SS18: variants seen among roughly 807,000 people sequenced by gnomAD.
SS18 encodes SS18 subunit of BAF chromatin remodeling complex, also known as protein SSXT.
In SS18, 28 loss-of-function variants were observed where a neutral mutation model predicts 72.5. The ratio of observed to expected loss-of-function variants is 0.39; its 90% CI spans 0.29 to 0.53. The LOEUF is 0.53. Among genes scored for constraint, SS18 ranks in the 20% least tolerant of loss-of-function variants. SS18 has a pLI of 0.76. For synonymous variants in SS18, 172 were observed against 164.2 expected, an observed-to-expected ratio of 1.05 and a Z score of -0.37; for missense variants, 518 against 535.3, an observed-to-expected ratio of 0.97 and a Z score of 0.32.
At chr18:26,031,879 C>T (rs2053547959) in intron 10 of SS18, among the ~76,000 whole-genome samples, 1 of 151,918 alleles carries the variant, frequency 6.6e-6, no homozygotes, top group Non-Finnish European at 1.5e-5. Context: ...CTCATGAAAG[C>T]ATCAACACAG....
chr18:26,050,395 CA>C (rs2143964887), intron 5 of SS18, among the ~76,000 whole-genome samples: 1 of 151,806 alleles, frequency 6.6e-6, no homozygotes, highest in South Asian at 2.1e-4. Context: ...GTAAAATATG[CA>C]GCTTATTTTT....
At chr18:26,037,244 T>G (rs949016650) in intron 7 of SS18, among the ~76,000 whole-genome samples, 6 of 152,094 alleles carry the variant, frequency 3.9e-5, no homozygotes, top group African/African-American at 1.4e-4. Flanking sequence ...CAAACCAATA[T>G]ATTTTGAACA....
At chr18:26,029,301 C>T (rs887835219) in intron 10 of SS18, among the ~76,000 whole-genome samples, 2 of 152,148 alleles carry the variant, frequency 1.3e-5, no homozygotes, top group African/African-American at 4.8e-5. Flanking sequence ...ATGGCTTTTA[C>T]TTAAAACACC....
At chr18:26,086,144 G>A (rs1290748331) in intron 2 of SS18, 1 of 152,070 alleles carries the variant, frequency 6.6e-6, no homozygotes, top group Non-Finnish European at 1.5e-5. Context: ...TAGGTATTAT[G>A]AGCAATCTAG....
intron 5 of SS18, among the ~76,000 whole-genome samples, chr18:26,047,642 C>G (rs369088112): frequency 6.6e-6 from 1 of 152,010 alleles, no homozygotes; most frequent in Non-Finnish European, 1.5e-5. Flanking sequence ...GAGATTGAGA[C>G]CATCCTGGCT....
At chr18:26,086,479 T>C (rs184446679) in intron 2 of SS18, among the ~76,000 whole-genome samples, 11 of 152,388 alleles carry the variant, frequency 7.2e-5, no homozygotes, top group Non-Finnish European at 1.2e-4. Context: ...ATGATACTAT[T>C]TTGGAAATAA....
At chr18:26,083,089 G>A (rs2054555550) in intron 2 of SS18, among the ~76,000 whole-genome samples, 1 of 152,084 alleles carries the variant, frequency 6.6e-6, no homozygotes, top group African/African-American at 2.4e-5. Flanking sequence ...CTGACAACTT[G>A]AGAAAGAAAG....
chr18:26,036,221 A>ATTT (rs2143862055), intron 7 of SS18, among the ~76,000 whole-genome samples: 1 of 152,302 alleles, frequency 6.6e-6, no homozygotes, highest in African/African-American at 2.4e-5. Context: ...AACAAAGAGA[A>ATTT]TAAAAGTCTT....
intron 3 of SS18, among the ~76,000 whole-genome samples, chr18:26,063,241 CG>C (rs1568018216): frequency 6.6e-6 from 1 of 151,630 alleles, no homozygotes; most frequent in African/African-American, 2.4e-5. Flanking sequence ...ATCAGTAGGC[CG>C]GGTGCGGTGG....
At chr18:26,038,784 T>G in intron 6 of SS18, 125 bp from the exon 7 acceptor site, 1 of 864,554 alleles carries the variant, frequency 1.2e-6, no homozygotes, top group Non-Finnish European at 1.8e-6. Context: ...TAATTTGGCA[T>G]TTCAGATACT....
At chr18:26,081,649 G>T (rs759714774) in intron 2 of SS18, among the ~76,000 whole-genome samples, 15 of 152,078 alleles carry the variant, frequency 9.9e-5, no homozygotes, top group Non-Finnish European at 1.5e-4. Context: ...ATATTGAAAT[G>T]ATAATAAAAA....
chr18:26,065,782 A>C (rs1001742790), intron 3 of SS18, among the ~76,000 whole-genome samples: 3 of 53,138 alleles, frequency 5.6e-5, no homozygotes, highest in African/African-American at 1.3e-4. Context: ...CAGAATATAT[A>C]AAGAATGCCT....
intron 3 of SS18, chr18:26,068,308 C>CG (rs1166065835): frequency 6.6e-6 from 1 of 152,044 alleles, no homozygotes; most frequent in Non-Finnish European, 1.5e-5. Flanking sequence ...ACAGGGTACA[C>CG]GGCAAGTTCT....
At chr18:26,053,959 C>CAAATAA (rs1437968645) in intron 4 of SS18, among the ~76,000 whole-genome samples, 1 of 152,142 alleles carries the variant, frequency 6.6e-6, no homozygotes, top group Non-Finnish European at 1.5e-5. Context: ...AGTTGTCCCT[C>CAAATAA]AGTATCTGTG....
At chr18:26,027,864 G>A (rs2053478636) in intron 10 of SS18, among the ~76,000 whole-genome samples, 1 of 151,858 alleles carries the variant, frequency 6.6e-6, no homozygotes, top group South Asian at 2.1e-4. Flanking sequence ...CTAGAAGAAA[G>A]TACAGGAGAA....
At chr18:26,040,770 T>C (rs1434171579) in intron 5 of SS18, among the ~76,000 whole-genome samples, 3 of 152,208 alleles carry the variant, frequency 2.0e-5, no homozygotes, top group Non-Finnish European at 4.4e-5. Context: ...TTCCTCCTTT[T>C]CAATTTTATT....
At chr18:26,085,739 A>AT (rs914269177) in intron 2 of SS18, among the ~76,000 whole-genome samples, 50 of 152,210 alleles carry the variant, frequency 3.3e-4, no homozygotes, top group African/African-American at 1.2e-3. Flanking sequence ...ATACTTTATA[A>AT]TTTTTTTTAT....
At chr18:26,069,222 A>G (rs1283598473) in intron 3 of SS18, among the ~76,000 whole-genome samples, 2 of 152,154 alleles carry the variant, frequency 1.3e-5, no homozygotes, top group African/African-American at 2.4e-5. Flanking sequence ...GTACCTTTAC[A>G]TGTTGGACAC....
At chr18:26,027,671 TAAAAAAAAAAA>T (rs68048813) in intron 10 of SS18, among the ~76,000 whole-genome samples, 2 of 27,300 alleles carry the variant, frequency 7.3e-5, no homozygotes, top group East Asian at 8.9e-4. Flanking sequence ...GAGACTCATC[TAAAAAAAAAAA>T]AAAAAAAAAA....
Sources: gnomAD v4.1 joint callset for allele counts (sites outside exome capture counted in the v4.1 genomes callset) on GRCh38, gnomAD v4.1.1 for gene constraint, MANE v1.5 for transcripts, NCBI Gene and HGNC (gene_info 2026-07-23, HGNC 2026-07-21) for gene names.